Variants in FOCAD observed in about 807,000 individuals in gnomAD.
The protein encoded by FOCAD is focadhesin, also known as KIAA1797.
A neutral mutation model predicts 225.6 loss-of-function variants in FOCAD; 198 were observed. The ratio of observed to expected loss-of-function variants is 0.88; its 90% CI spans 0.78 to 0.99. FOCAD has a LOEUF of 0.99. Ranked by LOEUF, FOCAD falls within the 50% of genes least tolerant of loss-of-function variation. FOCAD has a pLI of 0.00. For synonymous variants in FOCAD, 897 were observed against 755.0 expected (o/e 1.19, Z -3.08); for missense variants, 2,713 against 2,123.6 (o/e 1.28, Z -5.46).
At chr9:20,908,110 G>T (rs1001799317) in intron 22 of FOCAD, among the ~76,000 whole-genome samples, 2 of 152,098 alleles carry the variant, frequency 1.3e-5, no homozygotes, top group South Asian at 4.1e-4. Context: ...TAATCAGTTG[G>T]GGAATATACA....
At chr9:20,939,610 A>G (rs1405506538) in intron 28 of FOCAD, among the ~76,000 whole-genome samples, 1 of 152,006 alleles carries the variant, frequency 6.6e-6, no homozygotes, top group African/African-American at 2.4e-5. Context: ...ATGTCCAAGC[A>G]TATTTAACTT....
intron 4 of FOCAD, among the ~76,000 whole-genome samples, chr9:20,739,739 A>C (rs1012912363): frequency 6.6e-6 from 1 of 152,112 alleles, no homozygotes; most frequent in African/African-American, 2.4e-5. Context: ...TTATCCTCTT[A>C]TCTCTTACAA....
Position 20,798,586 on chromosome 9 carries a change from G to A in FOCAD, c.1455+8978G>A, listed in dbSNP as rs530218115. ...CTGGTTTAGTCTTGGGAGGATGTATGTGTCGAGGAATTTATCCATTTCTTC... is the reference window on the plus strand; with the variant it reads ...CTGGTTTAGTCTTGGGAGGATGTATATGTCGAGGAATTTATCCATTTCTTC... On this transcript the variant is annotated intron_variant, in intron 11 of 43. Coordinates refer to ENST00000338382, the MANE Select transcript of FOCAD (RefSeq NM_001375567.1). Among the ~76,000 whole-genome samples the A allele has an allele frequency of 3.5e-3, 536 of 152,248 alleles. 3 individuals carry two copies. The highest frequency in any genetic ancestry group is 0.012 in the African/African-American group (518 of 41,550).
chr9:20,806,905 G>T (rs372140851), intron 11 of FOCAD, among the ~76,000 whole-genome samples: 1 of 152,142 alleles, frequency 6.6e-6, no homozygotes, highest in East Asian at 1.9e-4. Context: ...ATTCAAGAAA[G>T]ATTTATTGTT....
chr9:20,820,955 T>G lies in FOCAD; in HGVS notation c.1677T>G (p.Pro559=). The G allele has an allele frequency of 2.5e-6, 4 of 1,612,566 alleles. No homozygotes were observed. Among genetic ancestry groups the G allele is most frequent in the Non-Finnish European group, 2.5e-6 (3 of 1,178,976 alleles). The stretch of plus-strand genomic sequence containing the variant: ...TGCCTTCGTAGGACCGAGTCTATCC[T>G]GAACTGCAGCGTTTCATGGCTGTGT... ...SLWEKQDRVY[P]ELQRFMAVSD... is the part of the protein sequence containing the mutation. Residue 559 remains proline, a synonymous_variant, in exon 14 of 44, where the codon CCT becomes CCG. Transcript: ENST00000338382.
At chr9:20,949,189 T>A (rs1216222238) in intron 32 of FOCAD, among the ~76,000 whole-genome samples, 3 of 152,202 alleles carry the variant, frequency 2.0e-5, no homozygotes, top group Non-Finnish European at 4.4e-5. Context: ...TTTCCCTGCC[T>A]GAGAAAAGAT....
At chr9:20,762,444 C>G (rs1270329422) in intron 6 of FOCAD, among the ~76,000 whole-genome samples, 1 of 152,134 alleles carries the variant, frequency 6.6e-6, no homozygotes, top group African/African-American at 2.4e-5. Context: ...GGAACTTAAT[C>G]TATTTTTATT....
intron 31 of FOCAD, 76 bp downstream of exon 31, chr9:20,948,469 A>G: frequency 6.7e-7 from 1 of 1,495,262 alleles, no homozygotes; most frequent in Non-Finnish European, 9.1e-7. Context: ...CATTTATAGG[A>G]GTTGCTGAGA....
At chr9:20,692,458 A>T (rs12343636) in intron 1 of FOCAD, among the ~76,000 whole-genome samples, 1 of 152,118 alleles carries the variant, frequency 6.6e-6, no homozygotes, top group African/African-American at 2.4e-5. Context: ...AGTAGCCTCT[A>T]TATTAGTTAT....
intron 16 of FOCAD, 34 bp from the exon 17 acceptor site, chr9:20,865,892 T>C: frequency 6.5e-7 from 1 of 1,542,266 alleles, no homozygotes; most frequent in Non-Finnish European, 8.9e-7. Context: ...AGCTTGGTCT[T>C]AACAATTTAT....
At chr9:20,835,087 C>G (rs893611065) in intron 15 of FOCAD, among the ~76,000 whole-genome samples, 5 of 138,818 alleles carry the variant, frequency 3.6e-5, no homozygotes, top group African/African-American at 1.3e-4. Flanking sequence ...GGTAATTATA[C>G]CTTTATACCT....
At position 20,794,019 on chromosome 9, in the gene FOCAD, C is replaced by T. The variant is rs184982667; in HGVS notation, c.1455+4411C>T. On this transcript the variant is annotated intron_variant, in intron 11 of 43. Coordinates refer to ENST00000338382, the MANE Select transcript of FOCAD (RefSeq NM_001375567.1). ...ATTCTTCAGCCCTTCCACAGTCAGC[C>T]CTTCAAATCAAAGGCCAGTCTTATT... 2.0e-5 allele frequency among the ~76,000 whole-genome samples: 3 copies of T among 152,244 alleles called. No individual in the cohort carries two copies. The East Asian group carries it at 5.8e-4, about 29-fold the overall frequency.
In FOCAD at chr9:20,720,483, C is replaced by T; in HGVS notation, c.236C>T (p.Ala79Val). The T allele has an allele frequency of 1.9e-6, 3 of 1,614,118 alleles. No homozygotes were observed. The highest frequency in any genetic ancestry group is 1.1e-5 in the South Asian group (1 of 91,080). ...GTGGCACTCGTTGCTCAGGATCATGCAGAGTTCAGCTATGTTCTCAATGGG... is the reference window on the plus strand; with the variant it reads ...GTGGCACTCGTTGCTCAGGATCATGTAGAGTTCAGCTATGTTCTCAATGGG... ...GLVALVAQDH[A>V]EFSYVLNGIL... Residue 79 changes from alanine to valine, a missense_variant, in exon 4 of 44, where the codon GCA becomes GTA. By Grantham distance (64) the Ala-to-Val change is moderately conservative. Coordinates refer to ENST00000338382, the MANE Select transcript of FOCAD (RefSeq NM_001375567.1).
At chr9:20,859,676 T>A (rs10964741) in intron 15 of FOCAD, among the ~76,000 whole-genome samples, 52,459 of 146,368 alleles carry the variant, frequency 0.36, 9,633 homozygotes, top group East Asian at 0.47. Context: ...TTAAAGCATA[T>A]ATATATAGAA....
At chr9:20,955,897 T>C (rs1483837425) in intron 35 of FOCAD, among the ~76,000 whole-genome samples, 1 of 151,644 alleles carries the variant, frequency 6.6e-6, no homozygotes, top group African/African-American at 2.4e-5. Context: ...TTCTTTCTAA[T>C]GCTAATATTA....
intron 38 of FOCAD, among the ~76,000 whole-genome samples, 166 bp from the exon 39 acceptor site, chr9:20,982,191 A>G (rs1385438693): frequency 6.6e-6 from 1 of 152,236 alleles, no homozygotes; most frequent in African/African-American, 2.4e-5. Context: ...GTAACAGGAA[A>G]GATGTCTTCA....
At chr9:20,717,671 CACTT>C (rs989057902) in intron 2 of FOCAD, 119 bp from the exon 3 acceptor site, 2 of 699,138 alleles carry the variant, frequency 2.9e-6, no homozygotes, top group Admixed American at 2.5e-5. Context: ...ACATAGCACA[CACTT>C]AGTTAATGGG....
rs191109327 is a variant in FOCAD at position 20,812,585 on chromosome 9, C to T, written c.1456-7211C>T. ...GAGATGCTGGTTTGTGTCTCTCCTG[C>T]GTGTTTTTTTCTTTATGTTTTGTCC... On this transcript the variant is annotated intron_variant, in intron 11 of 43. Transcript: ENST00000338382. Among the ~76,000 whole-genome samples the T allele has an allele frequency of 4.7e-3, 711 of 151,870 alleles. 4 individuals carry two copies. Among genetic ancestry groups the T allele is most frequent in the South Asian group, 0.013 (64 of 4,802 alleles).
intron 11 of FOCAD, among the ~76,000 whole-genome samples, chr9:20,802,196 C>T (rs1821918732): frequency 6.6e-6 from 1 of 152,078 alleles, no homozygotes; most frequent in Non-Finnish European, 1.5e-5. Context: ...TCCTGTCATT[C>T]TTGCTTGTTA....
Sources: gnomAD v4.1 joint callset for allele counts (sites outside exome capture counted in the v4.1 genomes callset) on GRCh38, gnomAD v4.1.1 for gene constraint, MANE v1.5 for transcripts, NCBI Gene and HGNC (gene_info 2026-07-23, HGNC 2026-07-21) for gene names.